Variants in THBS2 observed in about 807,000 individuals in gnomAD.
THBS2 encodes the protein thrombospondin 2.
THBS2 carries 47 observed loss-of-function variants against 135.2 expected under a neutral mutation model. That is an observed-to-expected ratio of 0.35 (90% CI 0.28 to 0.44). The LOEUF (loss-of-function observed/expected upper bound fraction) is 0.44, where lower values mean the gene tolerates loss of function less well. THBS2 is among the 20% of genes least tolerant of loss of function. THBS2 has a pLI of 1.00. For synonymous variants in THBS2, 639 were observed against 633.8 expected, an observed-to-expected ratio of 1.01 and a Z score of -0.12; for missense variants, 1,288 against 1,603.1, an observed-to-expected ratio of 0.80 and a Z score of 3.36.
chr6:169,219,976 A>C (rs907358719), intron 21 of THBS2, among the ~76,000 whole-genome samples: 1 of 152,196 alleles, frequency 6.6e-6, no homozygotes, highest in African/African-American at 2.4e-5. Flanking sequence ...ATAATTGGAA[A>C]GTGTTCTACC....
chr6:169,234,786 G>A lies in THBS2; in HGVS notation c.1599C>T (p.Cys533=), dbSNP rs139787473. 23 of 1,610,112 alleles carry A rather than the reference G, an allele frequency of 1.4e-5. No homozygotes were observed. Among genetic ancestry groups the A allele is most frequent in the Admixed American group, 5.0e-5 (3 of 59,694 alleles). ...TCTGACGCTCCTGCACATCCCCCAC[G>A]CAGGCCTTCCCTCCGTACTGAGGCT... The part of the protein sequence containing the change: ...SPEPQYGGKA[C]VGDVQERQMC... The change falls in exon 10 of 22, where the codon TGC becomes TGT. Residue 533 remains cysteine (C), a synonymous_variant. Transcript: ENST00000617924.
In THBS2 at chr6:169,229,510, C is replaced by T; in HGVS notation, c.2259+62G>A. The T allele has an allele frequency of 1.2e-5, 17 of 1,370,156 alleles. No individual in the cohort carries two copies. In the South Asian group the frequency reaches 1.6e-4, roughly 13 times the overall value. 84.9% of individuals were successfully genotyped at this position (1,370,156 alleles called of 1,614,324 possible). A position where few individuals can be genotyped will look rare whatever the true frequency, so the allele number is the denominator to read the frequency against. On this transcript the variant is annotated intron_variant, in intron 14 of 21. Coordinates refer to ENST00000617924, the MANE Select transcript of THBS2 (RefSeq NM_003247.5). The stretch of plus-strand genomic sequence containing the variant: ...ACAAGGGCTGTTTGGTATAAAGTGG[C>T]CTCCTGTGGACCTCGCTGCTCCTGG...
In THBS2 at chr6:169,248,708, G is replaced by A. The variant is rs139150250; in HGVS notation, c.318C>T (p.Pro106=). The change falls in exon 3 of 22, where the codon CCC becomes CCT. Residue 106 remains proline, a synonymous_variant. Transcript: ENST00000617924. ...SRGTLLALEG[P]GLSQRQFEIV... ...TCTCGAACTGCCTCTGGGAGAGACC[G>A]GGGCCCTCCAGAGCCAACAGCGTGC... 1.3e-5 allele frequency: 21 copies of A among 1,613,516 alleles called. No homozygotes were observed. The highest frequency in any genetic ancestry group is 4.0e-5 in the African/African-American group (3 of 74,876).
chr6:169,229,892 C>G (rs949335312), intron 13 of THBS2, among the ~76,000 whole-genome samples: 1 of 152,070 alleles, frequency 6.6e-6, no homozygotes, highest in Admixed American at 6.5e-5. Context: ...CCACTACTCA[C>G]GAGGGAGACA....
Position 169,222,239 on chromosome 6 carries a change from G to A in THBS2, c.3231C>T (p.His1077=), listed in dbSNP as rs756697079. ...VVNSTTGTGE[H]LRNALWHTGN... is the part of the protein sequence containing the mutation. ...CCGTGTGCCACAGCGCGTTCCTCAG[G>A]TGCTCGCCCGTCCCCGTGGTGGAGT... The change falls in exon 19 of 22, where the codon CAC becomes CAT. Residue 1077 remains histidine, a synonymous_variant. Transcript: ENST00000617924. 1.9e-6 allele frequency: 3 copies of A among 1,612,954 alleles called. No homozygotes were observed. The Admixed American group carries it at 5.0e-5, about 27-fold the overall frequency.
rs1213697758 is a variant in THBS2 at position 169,233,013 on chromosome 6, G to A, written c.1656C>T (p.Gly552=). Residue 552 remains glycine (G), a synonymous_variant, in exon 11 of 22, where the codon GGC becomes GGT. Coordinates refer to ENST00000617924, the MANE Select transcript of THBS2 (RefSeq NM_003247.5). ...CCGGGAAGCAGGGGTTGGATAAACA[G>A]CCATCTGGGTGGGAGAAGGCGGAGC... is the stretch of plus-strand genomic sequence containing the variant. ...MCNKRSCPVD[G]CLSNPCFPGA... 1.3e-6 allele frequency: 2 copies of A among 1,538,798 alleles called. No homozygotes were observed. The highest frequency in any genetic ancestry group is 1.4e-5 in the African/African-American group (1 of 73,214).
At chr6:169,230,016 T>TTA (rs1162576560) in intron 13 of THBS2, among the ~76,000 whole-genome samples, 2 of 152,126 alleles carry the variant, frequency 1.3e-5, no homozygotes, top group African/African-American at 4.8e-5. Flanking sequence ...AAAAGAGGCT[T>TTA]TAGTGGTGCT....
chr6:169,238,299 T>G (rs1780177727), intron 7 of THBS2, among the ~76,000 whole-genome samples: 1 of 152,122 alleles, frequency 6.6e-6, no homozygotes, highest in Admixed American at 6.5e-5. Flanking sequence ...AAAAAGGAGA[T>G]TCCCTGTAAA....
At chr6:169,226,456 G>C (rs1195376689) in intron 15 of THBS2, among the ~76,000 whole-genome samples, 158 bp from the exon 16 acceptor site, 4 of 152,170 alleles carry the variant, frequency 2.6e-5, no homozygotes, top group Non-Finnish European at 5.9e-5. Flanking sequence ...AAAATATAAA[G>C]ACTATTAGAT....
At chr6:169,226,025 C>T (rs908178874) in intron 16 of THBS2, among the ~76,000 whole-genome samples, 155 bp downstream of exon 16, 1 of 152,194 alleles carries the variant, frequency 6.6e-6, no homozygotes, top group African/African-American at 2.4e-5. Flanking sequence ...ATGGAGGGGA[C>T]TGATGAGGAC....
Position 169,232,197 on chromosome 6 carries a change from A to G in THBS2, c.1934T>C (p.Val645Ala). ...GLEAAKTEKQ[V>A]CEPENPCKDK... ...CTTGCATGGGTTTTCGGGCTCACAC[A>G]CCTACGGGGAGAAGGGCTGCGGGGT... The change falls in exon 13 of 22, where the codon GTG (valine) becomes GCG (alanine). Residue 645 changes from valine (V) to alanine (A), a missense_variant and splice_region_variant. By Grantham distance (64) the Val-to-Ala change is moderately conservative (BLOSUM62 0). This residue lies in a region of THBS2 where 874 missense variants were observed against 1,156.1 expected (regional missense o/e 0.76). Transcript: ENST00000617924. 9 of 1,611,586 alleles carry G rather than the reference A, an allele frequency of 5.6e-6. No homozygotes were observed. The highest frequency in any genetic ancestry group is 7.6e-6 in the Non-Finnish European group (9 of 1,178,742).
At chr6:169,219,484 A>T (rs1779340109) in intron 21 of THBS2, among the ~76,000 whole-genome samples, 1 of 152,120 alleles carries the variant, frequency 6.6e-6, no homozygotes, top group Non-Finnish European at 1.5e-5. Flanking sequence ...ACATCCTAAC[A>T]TAAGGAGAAG....
At position 169,248,686 on chromosome 6, in the gene THBS2, C is replaced by T. The variant is rs1390597704; in HGVS notation, c.340G>A (p.Glu114Lys). ...TCCGCGGGGCCGTTGGAGACGATCT[C>T]GAACTGCCTCTGGGAGAGACCGGGG... is the stretch of plus-strand genomic sequence containing the variant. ...EGPGLSQRQFEIVSNGPADTL... is the reference protein window; with the variant it reads ...EGPGLSQRQFKIVSNGPADTL... The change falls in exon 3 of 22, where the codon GAG becomes AAG. Residue 114 changes from glutamate to lysine, a missense_variant. Coordinates refer to ENST00000617924, the MANE Select transcript of THBS2 (RefSeq NM_003247.5). 1.2e-6 allele frequency: 2 copies of T among 1,613,746 alleles called. No homozygotes were observed. Among genetic ancestry groups the T allele is most frequent in the East Asian group, 2.2e-5 (1 of 44,826 alleles).
At chr6:169,226,860 C>T (rs1779647813) in intron 15 of THBS2, among the ~76,000 whole-genome samples, 3 of 152,140 alleles carry the variant, frequency 2.0e-5, no homozygotes, top group South Asian at 2.1e-4. Context: ...TACACGGCAG[C>T]GAGTCCACAG....
At chr6:169,235,721 C>T (rs1463550452) in intron 9 of THBS2, among the ~76,000 whole-genome samples, 1 of 149,500 alleles carries the variant, frequency 6.7e-6, no homozygotes, top group Non-Finnish European at 1.5e-5. Flanking sequence ...CACACTCACT[C>T]ACTTCCATCC....
In THBS2 at chr6:169,248,920, TG is replaced by T; in HGVS notation, c.105del (p.Asn36ThrfsTer31). 1 of 1,613,548 alleles carries T rather than the reference TG, an allele frequency of 6.2e-7. No individual in the cohort carries two copies. The highest frequency in any genetic ancestry group is 8.5e-7 in the Non-Finnish European group (1 of 1,179,850). On this transcript the variant is annotated frameshift_variant, in exon 3 of 22. Coordinates refer to ENST00000617924, the MANE Select transcript of THBS2 (RefSeq NM_003247.5). LOFTEE classifies it high-confidence loss of function. ...TGCTTGGCGCCAATGGTCTTGCGGTTGATGTTGCTGATACTGAAAAGGTCGA... is the reference window on the plus strand; with the variant it reads ...TGCTTGGCGCCAATGGTCTTGCGGTTATGTTGCTGATACTGAAAAGGTCGA... The part of the protein sequence containing the change: ...TTFDLFSISN[I>X]NRKTIGAKQF...
rs369852878 is a variant in THBS2 at position 169,248,960 on chromosome 6, G to A, written c.66C>T (p.Asp22=). The A allele has an allele frequency of 4.4e-5, 70 of 1,603,240 alleles. No individual in the cohort carries two copies. The highest frequency in any genetic ancestry group is 5.6e-5 in the Non-Finnish European group (66 of 1,172,644). ...VWPSTQAGHQ[D]KDTTFDLFSI... ...TGAAAAGGTCGAAGGTCGTGTCTTT[G>A]TCCTGGTGACCAGCTGCAAAGGGAA... The change falls in exon 3 of 22, where the codon GAC becomes GAT. Residue 22 remains aspartate (D), a synonymous_variant. Transcript: ENST00000617924.
chr6:169,253,785 C>T lies in THBS2; in HGVS notation c.-84G>A, dbSNP rs1434663815. On this transcript the variant is annotated 5_prime_UTR_variant, in exon 1 of 22. Transcript: ENST00000617924. ...AGTGTTCCGGACCGAGTCAGAAAGG[C>T]GCAGGCTCTGCTGGAGCGAGAGACC... 6.6e-6 allele frequency: 1 copy of T among 152,240 alleles called. No homozygotes were observed. The highest frequency in any genetic ancestry group is 1.5e-5 in the Non-Finnish European group (1 of 68,046). The allele number at this position is 152,240 out of a possible 1,614,324, so 9.4% of individuals were successfully genotyped here.
intron 9 of THBS2, among the ~76,000 whole-genome samples, chr6:169,236,057 T>C (rs1399040273): frequency 1.6e-5 from 1 of 62,910 alleles, no homozygotes; most frequent in African/African-American, 7.0e-5. Context: ...CCACACTCAC[T>C]CCCCATCCAC....
Sources: gnomAD v4.1 joint callset for allele counts (sites outside exome capture counted in the v4.1 genomes callset) on GRCh38, gnomAD v4.1.1 for gene constraint, gnomAD v4.1.1 regional missense constraint, MANE v1.5 for transcripts, NCBI Gene and HGNC (gene_info 2026-07-23, HGNC 2026-07-21) for gene names.